PLCL2: variants seen among roughly 807,000 people sequenced by gnomAD.
PLCL2 encodes the protein inactive phospholipase C-like protein 2.
PLCL2 carries 4 observed loss-of-function variants against 79.6 expected under a neutral mutation model. That is an observed-to-expected ratio of 0.05 (90% confidence interval 0.02 to 0.11). The LOEUF is 0.11. Among genes scored for constraint, PLCL2 ranks in the 10% least tolerant of loss-of-function variants. The pLI is 1.00. For missense variants in PLCL2, 895 were observed against 1,291.0 expected (o/e 0.69, Z 4.70); for synonymous variants, 484 against 457.7 (o/e 1.06, Z -0.73).
chr3:16,967,138 G>A (rs141627316), intron 1 of PLCL2, among the ~76,000 whole-genome samples: 221 of 152,160 alleles, frequency 1.5e-3, no homozygotes, highest in African/African-American at 5.1e-3. Context: ...TGGTGTATAT[G>A]TACCACATTT....
chr3:16,904,390 G>A (rs1193139434), intron 1 of PLCL2, among the ~76,000 whole-genome samples: 1 of 151,932 alleles, frequency 6.6e-6, no homozygotes, highest in African/African-American at 2.4e-5. Context: ...GGGTATGTGT[G>A]TGTGGCGGGG....
chr3:16,989,245 T>C (rs1165971437), intron 1 of PLCL2, among the ~76,000 whole-genome samples: 1 of 152,172 alleles, frequency 6.6e-6, no homozygotes, highest in Non-Finnish European at 1.5e-5. Flanking sequence ...CTGAGTTCAA[T>C]GAATATTTGG....
intron 1 of PLCL2, among the ~76,000 whole-genome samples, chr3:16,993,534 T>C (rs1015593103): frequency 6.6e-6 from 1 of 152,144 alleles, no homozygotes; most frequent in African/African-American, 2.4e-5. Context: ...CTTGTTAGAA[T>C]TGGTAATTGG....
chr3:16,923,218 C>T (rs1332481989), intron 1 of PLCL2, among the ~76,000 whole-genome samples: 2 of 152,168 alleles, frequency 1.3e-5, no homozygotes, highest in African/African-American at 4.8e-5. Flanking sequence ...AGGGAGAGCT[C>T]AGTCCATAAC....
At chr3:16,961,660 T>C (rs2063755469) in intron 1 of PLCL2, among the ~76,000 whole-genome samples, 1 of 152,024 alleles carries the variant, frequency 6.6e-6, no homozygotes, top group Non-Finnish European at 1.5e-5. Context: ...CCAACCAGAA[T>C]GGGACGCAGA....
chr3:16,912,235 G>GTT (rs931626610), intron 1 of PLCL2, among the ~76,000 whole-genome samples: 1 of 146,924 alleles, frequency 6.8e-6, no homozygotes, highest in African/African-American at 2.5e-5. Flanking sequence ...CTTCACGTCA[G>GTT]TTTTTTTTTT....
intron 5 of PLCL2, among the ~76,000 whole-genome samples, chr3:17,087,807 AAAAATT>A (rs1260389756): frequency 2.0e-5 from 3 of 152,192 alleles, no homozygotes; most frequent in African/African-American, 7.2e-5. Context: ...AAACTGTCCT[AAAAATT>A]AAAGTTTATT....
At chr3:17,085,249 C>T (rs903336829) in intron 5 of PLCL2, among the ~76,000 whole-genome samples, 3 of 151,804 alleles carry the variant, frequency 2.0e-5, no homozygotes, top group Admixed American at 6.6e-5. Flanking sequence ...GATCCTCCCA[C>T]CTCAGCCTCA....
intron 4 of PLCL2, among the ~76,000 whole-genome samples, chr3:17,049,124 A>G (rs574107352): frequency 2.0e-5 from 3 of 152,292 alleles, no homozygotes; most frequent in Admixed American, 6.5e-5. Flanking sequence ...CACATTGAAA[A>G]TACAGCTTTT....
At chr3:17,073,966 CA>C (rs1394054328) in intron 5 of PLCL2, among the ~76,000 whole-genome samples, 6 of 152,168 alleles carry the variant, frequency 3.9e-5, no homozygotes, top group Admixed American at 6.5e-5. Flanking sequence ...CCTCCAAAAT[CA>C]GCTTCTTCCA....
chr3:16,909,827 G>A (rs542709079), intron 1 of PLCL2, among the ~76,000 whole-genome samples: 1 of 152,224 alleles, frequency 6.6e-6, no homozygotes, highest in African/African-American at 2.4e-5. Context: ...TAAAGATCGG[G>A]ATGGTTTCTT....
chr3:16,942,922 T>A (rs17272754), intron 1 of PLCL2, among the ~76,000 whole-genome samples: 31,834 of 152,158 alleles, frequency 0.21, 3,465 homozygotes, highest in Admixed American at 0.25. Context: ...TGCCTAACTT[T>A]TCTTTATCCC....
At chr3:17,026,684 A>T (rs1465197758) in intron 3 of PLCL2, among the ~76,000 whole-genome samples, 1 of 152,128 alleles carries the variant, frequency 6.6e-6, no homozygotes, top group Non-Finnish European at 1.5e-5. Context: ...CCTGGCCGAC[A>T]TGGTGAAACC....
At chr3:17,058,484 A>T (rs1015676742) in intron 4 of PLCL2, among the ~76,000 whole-genome samples, 3 of 152,126 alleles carry the variant, frequency 2.0e-5, no homozygotes, top group African/African-American at 7.2e-5. Flanking sequence ...GGAAGGATGG[A>T]GCTGCTATTT....
At chr3:16,901,460 C>G (rs1055501883) in intron 1 of PLCL2, among the ~76,000 whole-genome samples, 9 of 152,236 alleles carry the variant, frequency 5.9e-5, no homozygotes, top group Non-Finnish European at 1.2e-4. Flanking sequence ...AAATGGGCAA[C>G]TGTTGGCAAG....
chr3:17,079,160 C>G (rs1165161978), intron 5 of PLCL2, among the ~76,000 whole-genome samples: 2 of 152,182 alleles, frequency 1.3e-5, no homozygotes, highest in Admixed American at 1.3e-4. Context: ...GGCTCTCACG[C>G]CCATGGCCCA....
intron 1 of PLCL2, among the ~76,000 whole-genome samples, chr3:16,945,979 G>T (rs1170748243): frequency 6.6e-6 from 1 of 152,046 alleles, no homozygotes; most frequent in African/African-American, 2.4e-5. Context: ...CATCACATCG[G>T]ATCCCTTTGT....
chr3:17,059,144 T>C (rs2064919561), intron 4 of PLCL2, among the ~76,000 whole-genome samples: 1 of 152,156 alleles, frequency 6.6e-6, no homozygotes, highest in Non-Finnish European at 1.5e-5. Context: ...ACAACTTAAA[T>C]GCTTACCAGG....
intron 1 of PLCL2, among the ~76,000 whole-genome samples, chr3:16,997,400 C>T (rs1559512570): frequency 6.6e-6 from 1 of 151,628 alleles, no homozygotes; most frequent in African/African-American, 2.4e-5. Flanking sequence ...ACTAGGGTGG[C>T]TCATGAATGG....
Sources: gnomAD v4.1 joint callset for allele counts (sites outside exome capture counted in the v4.1 genomes callset) on GRCh38, gnomAD v4.1.1 for gene constraint, MANE v1.5 for transcripts, NCBI Gene and HGNC (gene_info 2026-07-23, HGNC 2026-07-21) for gene names.